Variants in SYN3 observed in about 807,000 individuals in gnomAD.
The protein encoded by SYN3 is synapsin-3.
SYN3 carries 35 observed loss-of-function variants against 65.8 expected under a neutral mutation model. The observed-to-expected ratio is 0.53, with a 90% CI of 0.41 to 0.70. SYN3 has a LOEUF of 0.70. SYN3 is among the 30% of genes least tolerant of loss of function. The pLI is 0.00. For synonymous variants in SYN3, 270 were observed against 292.9 expected (o/e 0.92, Z 0.80); for missense variants, 680 against 749.0 (o/e 0.91, Z 1.08).
chr22:33,001,200 A>G (rs2053050033), intron 2 of SYN3, among the ~76,000 whole-genome samples: 1 of 152,182 alleles, frequency 6.6e-6, no homozygotes, highest in Admixed American at 6.5e-5. Context: ...TTGAGTCCCA[A>G]TTAAAGTGTG....
intron 6 of SYN3, among the ~76,000 whole-genome samples, chr22:32,755,016 C>CA: frequency 6.6e-6 from 1 of 152,126 alleles, no homozygotes; most frequent in Admixed American, 6.5e-5. Flanking sequence ...AGCACAACTC[C>CA]AAGTCCTTCC....
At chr22:32,553,143 CTCCCATAGA>C (rs1280534672) in intron 7 of SYN3, among the ~76,000 whole-genome samples, 1 of 152,158 alleles carries the variant, frequency 6.6e-6, no homozygotes, top group Non-Finnish European at 1.5e-5. Flanking sequence ...ACCTAATTAC[CTCCCATAGA>C]TCCCATCTCC....
intron 6 of SYN3, among the ~76,000 whole-genome samples, chr22:32,710,840 C>A (rs969083477): frequency 2.0e-5 from 3 of 152,102 alleles, no homozygotes; most frequent in Admixed American, 2.0e-4. Flanking sequence ...AATTAAACCT[C>A]TTTTCTTTAT....
chr22:32,575,079 A>G (rs2058832813), intron 7 of SYN3, among the ~76,000 whole-genome samples: 1 of 152,192 alleles, frequency 6.6e-6, no homozygotes, highest in Non-Finnish European at 1.5e-5. Context: ...TTCAAACTGA[A>G]TTCTATGGAG....
chr22:32,661,420 G>A lies in SYN3; in HGVS notation c.712-64684C>T, dbSNP rs976461787. ...GATTCAGAAACCATGATGGCCTGGC[G>A]GCCCGCCGTGACTCACAGCACATCA... On this transcript the variant is annotated intron_variant, in intron 6 of 13. Transcript: ENST00000358763. Among the ~76,000 whole-genome samples the A allele has an allele frequency of 7.9e-4, 120 of 152,380 alleles. 2 individuals carry two copies. Among genetic ancestry groups the A allele is most frequent in the Middle Eastern group, 3.4e-3 (1 of 294 alleles).
chr22:32,541,143 A>G (rs2058247168), intron 8 of SYN3, among the ~76,000 whole-genome samples: 1 of 152,190 alleles, frequency 6.6e-6, no homozygotes, highest in Non-Finnish European at 1.5e-5. Flanking sequence ...TATTGGCTTC[A>G]GAGAAACCGT....
At chr22:32,879,717 C>G (rs2049076742) in intron 4 of SYN3, among the ~76,000 whole-genome samples, 1 of 152,210 alleles carries the variant, frequency 6.6e-6, no homozygotes, top group Admixed American at 6.5e-5. Flanking sequence ...TAGGAATATA[C>G]TTTTGTGACC....
chr22:32,742,109 T>C (rs746697728), intron 6 of SYN3, among the ~76,000 whole-genome samples: 9 of 151,334 alleles, frequency 5.9e-5, no homozygotes, highest in Non-Finnish European at 8.8e-5. Flanking sequence ...CCACCTCTAC[T>C]AAAAAAATAC....
At chr22:33,039,251 C>T (rs1419917716) in intron 1 of SYN3, among the ~76,000 whole-genome samples, 1 of 152,112 alleles carries the variant, frequency 6.6e-6, no homozygotes, top group Non-Finnish European at 1.5e-5. Flanking sequence ...AAATTTAGGT[C>T]TACTTAACCC....
intron 6 of SYN3, among the ~76,000 whole-genome samples, chr22:32,827,163 G>C (rs2047436603): frequency 6.6e-6 from 1 of 152,196 alleles, no homozygotes; most frequent in Admixed American, 6.5e-5. Flanking sequence ...GTGAGGGCAG[G>C]AGAGATGAGC....
At position 32,612,669 on chromosome 22, in the gene SYN3, T is replaced by G. The variant is rs936934208; in HGVS notation, c.712-15933A>C. Among the ~76,000 whole-genome samples the G allele has an allele frequency of 7.9e-5, 12 of 152,026 alleles. No homozygotes were observed. In the South Asian group the frequency reaches 2.5e-3, roughly 32 times the overall value. On this transcript the variant is annotated intron_variant, in intron 6 of 13. Coordinates refer to ENST00000358763, the MANE Select transcript of SYN3 (RefSeq NM_003490.4). The stretch of plus-strand genomic sequence containing the variant: ...CCAGCCAAGGCAACATAGTAAGACC[T>G]TGTCTCTATAAAAGAAAAAAAAATT...
chr22:32,547,611 G>T (rs774531490), intron 7 of SYN3, among the ~76,000 whole-genome samples: 1 of 151,958 alleles, frequency 6.6e-6, no homozygotes, highest in Non-Finnish European at 1.5e-5. Context: ...GTATGTGAGT[G>T]TGCATGCATG....
intron 6 of SYN3, among the ~76,000 whole-genome samples, chr22:32,706,043 G>A (rs955953900): frequency 6.6e-6 from 1 of 152,194 alleles, no homozygotes; most frequent in Non-Finnish European, 1.5e-5. Context: ...CTATTTGGAT[G>A]TGCTTTATTT....
intron 6 of SYN3, among the ~76,000 whole-genome samples, chr22:32,623,690 T>G (rs771431938): frequency 2.6e-5 from 4 of 152,240 alleles, no homozygotes; most frequent in Admixed American, 1.3e-4. Context: ...TTTATTGATT[T>G]CTTTAACTCT....
chr22:32,686,860 G>A (rs1450247983), intron 6 of SYN3, among the ~76,000 whole-genome samples: 3 of 152,064 alleles, frequency 2.0e-5, no homozygotes, highest in Non-Finnish European at 4.4e-5. Context: ...ATCCCAAAGT[G>A]CTGGGATTAC....
chr22:32,987,525 T>C (rs941148699), intron 2 of SYN3, among the ~76,000 whole-genome samples: 4 of 152,148 alleles, frequency 2.6e-5, no homozygotes, highest in Non-Finnish European at 5.9e-5. Context: ...GTGCAGCCTC[T>C]CAGTCCTCCA....
Position 32,801,907 on chromosome 22 carries a change from G to T in SYN3, c.711+63008C>A. 6 of 1,406,150 alleles carry T rather than the reference G, an allele frequency of 4.3e-6. No homozygotes were observed. Among genetic ancestry groups the T allele is most frequent in the Non-Finnish European group, 5.5e-6 (6 of 1,087,396 alleles). The allele number at this position is 1,406,150 out of a possible 1,614,324, so 87.1% of individuals were successfully genotyped here. Reference sequence around the variant, plus strand: ...AAGGTTGCCCCGCACGGCCCGGCGGGCGAGCGAGCTCGGGCTGCAGCAGCC... The same window carrying T: ...AAGGTTGCCCCGCACGGCCCGGCGGTCGAGCGAGCTCGGGCTGCAGCAGCC... On this transcript the variant is annotated intron_variant, in intron 6 of 13. Coordinates refer to ENST00000358763, the MANE Select transcript of SYN3 (RefSeq NM_003490.4). This position sits in a 1 kb window ranked among gnomAD's most constrained non-coding sequence, Gnocchi z 4.7.
At chr22:32,633,450 A>T (rs1184176158) in intron 6 of SYN3, among the ~76,000 whole-genome samples, 2 of 152,026 alleles carry the variant, frequency 1.3e-5, no homozygotes, top group Admixed American at 6.6e-5. Context: ...TTCTCTGTGG[A>T]ATAATAAGGT....
At chr22:32,762,709 C>A (rs570429742) in intron 6 of SYN3, among the ~76,000 whole-genome samples, 1 of 152,206 alleles carries the variant, frequency 6.6e-6, no homozygotes, top group South Asian at 2.1e-4. Flanking sequence ...GTGGGGCGGG[C>A]GCCCTTGCAT....
Sources: allele counts gnomAD v4.1 joint callset (sites outside exome capture counted in the v4.1 genomes callset), GRCh38; gene constraint gnomAD v4.1.1; non-coding constraint Gnocchi (gnomAD v3.1); transcripts MANE v1.5; gene names NCBI Gene and HGNC (gene_info 2026-07-23, HGNC 2026-07-21).